Variants in HPSE2 observed in about 807,000 individuals in gnomAD.
The protein encoded by HPSE2 is inactive heparanase-2.
HPSE2 carries 38 observed loss-of-function variants against 60.5 expected under a neutral mutation model. That is an observed-to-expected ratio of 0.63 (90% CI 0.48 to 0.82). HPSE2 has a LOEUF of 0.82. HPSE2 is among the 40% of genes least tolerant of loss of function. HPSE2 has a pLI of 0.00. For missense variants in HPSE2, 713 were observed against 740.4 expected (o/e 0.96, Z 0.43); for synonymous variants, 295 against 293.2 (o/e 1.01, Z -0.06).
At chr10:99,156,034 C>T (rs1343730336) in intron 2 of HPSE2, among the ~76,000 whole-genome samples, 5 of 150,300 alleles carry the variant, frequency 3.3e-5, no homozygotes, top group Admixed American at 3.3e-4. Flanking sequence ...CATACACTCT[C>T]CCAAGACTAA....
chr10:99,300,195 C>T, the HPSE2 span, among the ~76,000 whole-genome samples: 2 of 152,054 alleles, frequency 1.3e-5, no homozygotes, highest in African/African-American at 4.8e-5. Flanking sequence ...ATCAGTGTGC[C>T]TTCTGTAATC....
chr10:99,264,455 T>C, the HPSE2 span, among the ~76,000 whole-genome samples: 1 of 152,024 alleles, frequency 6.6e-6, no homozygotes, highest in African/African-American at 2.4e-5. Context: ...TCCTCCAAAA[T>C]CACCAAGGCC....
intron 3 of HPSE2, among the ~76,000 whole-genome samples, chr10:98,901,800 CTA>C (rs1953674224): frequency 6.6e-6 from 1 of 152,220 alleles, no homozygotes; most frequent in East Asian, 1.9e-4. Context: ...CTTTGTAGGC[CTA>C]TGTTTCCTCA....
chr10:98,759,912 A>G (rs192049976), intron 3 of HPSE2, among the ~76,000 whole-genome samples: 1 of 152,068 alleles, frequency 6.6e-6, no homozygotes, highest in East Asian at 1.9e-4. Context: ...TATTATTTGA[A>G]TTCATAAACA....
chr10:98,987,782 C>T (rs1211592051), intron 3 of HPSE2, among the ~76,000 whole-genome samples: 10 of 152,154 alleles, frequency 6.6e-5, no homozygotes, highest in Admixed American at 6.5e-4. Context: ...AGCTGATAAG[C>T]CACTTCAGCA....
chr10:98,688,932 AT>A (rs2134157887), intron 6 of HPSE2, among the ~76,000 whole-genome samples: 1 of 150,440 alleles, frequency 6.6e-6, no homozygotes, highest in South Asian at 2.1e-4. Flanking sequence ...GTTCTGTTGT[AT>A]TCTGTCCTCC....
intron 2 of HPSE2, among the ~76,000 whole-genome samples, chr10:99,200,361 C>T (rs991659234): frequency 6.6e-6 from 1 of 151,946 alleles, no homozygotes; most frequent in East Asian, 1.9e-4. Context: ...TTAGGAAGTA[C>T]AATAATATTA....
In HPSE2 at chr10:98,721,694, C is replaced by G; in HGVS notation, c.919G>C (p.Gly307Arg). Residue 307 changes from glycine to arginine, a missense_variant, in exon 5 of 12, where the codon GGG becomes CGG. Gly to Arg is a moderately radical substitution (Grantham distance 125). Coordinates refer to ENST00000370552, the MANE Select transcript of HPSE2 (RefSeq NM_021828.5). ...GCGATGACATTCTTCCTCGGCCGCCCAATATTAGGGCCATATAAGCTGGCT... is the reference window on the plus strand; with the variant it reads ...GCGATGACATTCTTCCTCGGCCGCCGAATATTAGGGCCATATAAGCTGGCT... ...SRASLYGPNI[G>R]RPRKNVIALL... is the part of the protein sequence containing the mutation. The G allele has an allele frequency of 6.8e-6, 11 of 1,613,578 alleles. No individual in the cohort carries two copies. Among genetic ancestry groups the G allele is most frequent in the Non-Finnish European group, 9.3e-6 (11 of 1,179,848 alleles).
At position 98,558,183 on chromosome 10, in the gene HPSE2, G is replaced by A. The variant is rs537327361; in HGVS notation, c.1320+56721C>T. Among the ~76,000 whole-genome samples, 18 of 152,178 alleles carry A rather than the reference G, an allele frequency of 1.2e-4. No individual in the cohort carries two copies. The East Asian group carries it at 3.5e-3, about 29-fold the overall frequency. On this transcript the variant is annotated intron_variant, in intron 9 of 11. Coordinates refer to ENST00000370552, the MANE Select transcript of HPSE2 (RefSeq NM_021828.5). ...CAAAATTTTCATACACTGCTGGTAG[G>A]AATATAAGTTTATACACCTTGGCAG...
intron 5 of HPSE2, among the ~76,000 whole-genome samples, chr10:98,702,716 AAAG>A (rs1294347313): frequency 1.3e-5 from 2 of 152,208 alleles, no homozygotes; most frequent in African/African-American, 4.8e-5. Context: ...AGGAAGAAAT[AAAG>A]AAGTTCTTTT....
In HPSE2 at chr10:98,987,866, C is replaced by G. The variant is rs553542802; in HGVS notation, c.610+156372G>C. On this transcript the variant is annotated intron_variant, in intron 3 of 11. Coordinates refer to ENST00000370552, the MANE Select transcript of HPSE2 (RefSeq NM_021828.5). ...ACACCAATAACAGACAAACAGAGAG[C>G]CAAATCATGAGTGAACTCCCATTCA... is the stretch of plus-strand genomic sequence containing the variant. 4.3e-4 allele frequency among the ~76,000 whole-genome samples: 66 copies of G among 151,836 alleles called. 1 individual carries two copies. In the East Asian group the frequency reaches 6.6e-3, roughly 15 times the overall value.
intron 9 of HPSE2, among the ~76,000 whole-genome samples, chr10:98,522,432 GT>G (rs1942827987): frequency 6.6e-6 from 1 of 152,020 alleles, no homozygotes; most frequent in Non-Finnish European, 1.5e-5. Flanking sequence ...GGGGAAATAG[GT>G]CTTGTGGAAT....
At chr10:98,545,019 T>C (rs941772360) in intron 9 of HPSE2, among the ~76,000 whole-genome samples, 2 of 152,070 alleles carry the variant, frequency 1.3e-5, no homozygotes, top group African/African-American at 2.4e-5. Flanking sequence ...GAGAATACTA[T>C]AAACACCTCT....
In HPSE2 at chr10:98,905,125, T is replaced by C. The variant is rs1020785882; in HGVS notation, c.611-161069A>G. Among the ~76,000 whole-genome samples the C allele has an allele frequency of 3.3e-5, 5 of 152,282 alleles. 1 individual carries two copies. The highest frequency in any genetic ancestry group is 2.6e-4 in the Admixed American group (4 of 15,302). On this transcript the variant is annotated intron_variant, in intron 3 of 11. Coordinates refer to ENST00000370552, the MANE Select transcript of HPSE2 (RefSeq NM_021828.5). ...TGGGCTAAATGCTTGTATTTATCCC[T>C]ATATACTTTTATACGATTACTAACA...
intron 2 of HPSE2, among the ~76,000 whole-genome samples, chr10:99,222,250 C>A (rs1849339372): frequency 6.6e-6 from 1 of 152,146 alleles, no homozygotes; most frequent in African/African-American, 2.4e-5. Flanking sequence ...GATTCAACCA[C>A]AGCTCAGCCA....
chr10:99,102,762 C>T (rs1002248426), intron 3 of HPSE2, among the ~76,000 whole-genome samples: 2 of 152,144 alleles, frequency 1.3e-5, no homozygotes, highest in African/African-American at 4.8e-5. Flanking sequence ...AATCCAGCAG[C>T]ACATCAAAAA....
intron 3 of HPSE2, among the ~76,000 whole-genome samples, chr10:98,882,212 C>T (rs1953042835): frequency 6.6e-6 from 1 of 151,974 alleles, no homozygotes; most frequent in Admixed American, 6.6e-5. Context: ...GGAGTGAATT[C>T]CAGCCAAGAT....
intron 2 of HPSE2, among the ~76,000 whole-genome samples, chr10:99,161,624 C>T (rs1488987092): frequency 1.3e-5 from 2 of 152,120 alleles, no homozygotes; most frequent in African/African-American, 4.8e-5. Flanking sequence ...AGCCTTTATA[C>T]ATTTCATAGA....
chr10:99,189,915 G>A (rs1848161075), intron 2 of HPSE2, among the ~76,000 whole-genome samples: 1 of 152,174 alleles, frequency 6.6e-6, no homozygotes, highest in South Asian at 2.1e-4. Flanking sequence ...GTCAGAGAGG[G>A]CCCAAGGGCT....
Sources: gnomAD v4.1 joint callset for allele counts (sites outside exome capture counted in the v4.1 genomes callset) on GRCh38, gnomAD v4.1.1 for gene constraint, MANE v1.5 for transcripts, NCBI Gene and HGNC (gene_info 2026-07-23, HGNC 2026-07-21) for gene names.